Variants in RB1CC1 observed in about 807,000 individuals in gnomAD.
The protein encoded by RB1CC1 is RB1-inducible coiled-coil protein 1.
A neutral mutation model predicts 177.5 loss-of-function variants in RB1CC1; 46 were observed. The observed-to-expected ratio is 0.26, with a 90% CI of 0.20 to 0.33. The LOEUF (loss-of-function observed/expected upper bound fraction) is 0.33. Ranked by LOEUF, RB1CC1 falls within the 10% of genes least tolerant of loss-of-function variation. The pLI is 1.00. For synonymous variants in RB1CC1, 666 were observed against 613.6 expected, an observed-to-expected ratio of 1.09 and a Z score of -1.26; for missense variants, 1,703 against 1,816.3, an observed-to-expected ratio of 0.94 and a Z score of 1.13.
chr8:52,705,993 G>C (rs1243971823), intron 1 of RB1CC1, among the ~76,000 whole-genome samples: 1 of 152,040 alleles, frequency 6.6e-6, no homozygotes, highest in Admixed American at 6.6e-5. Flanking sequence ...TAATGCAGGA[G>C]GACATATGTA....
intron 1 of RB1CC1, among the ~76,000 whole-genome samples, chr8:52,710,666 T>C (rs538174248): frequency 1.7e-4 from 26 of 152,252 alleles, no homozygotes; most frequent in East Asian, 7.7e-4. Flanking sequence ...AATTTTCTAG[T>C]TGTGTTTTAT....
intron 5 of RB1CC1, among the ~76,000 whole-genome samples, 162 bp from the exon 6 acceptor site, chr8:52,676,733 A>G (rs562375511): frequency 1.9e-4 from 29 of 152,248 alleles, no homozygotes; most frequent in African/African-American, 6.8e-4. Flanking sequence ...CTTCTGTAAA[A>G]GACAGCCTAA....
At chr8:52,659,852 C>T (rs1449575871) in intron 12 of RB1CC1, among the ~76,000 whole-genome samples, 2 of 152,132 alleles carry the variant, frequency 1.3e-5, no homozygotes, top group Non-Finnish European at 2.9e-5. Context: ...AAAAACTTAG[C>T]TGGATGTGGT....
intron 15 of RB1CC1, among the ~76,000 whole-genome samples, chr8:52,647,460 T>TA: frequency 6.6e-6 from 1 of 152,142 alleles, no homozygotes. Flanking sequence ...TGTGCAAGTT[T>TA]AAACTACTCC....
intron 7 of RB1CC1, among the ~76,000 whole-genome samples, chr8:52,672,441 T>G (rs1340670507): frequency 6.6e-6 from 1 of 152,150 alleles, no homozygotes; most frequent in African/African-American, 2.4e-5. Flanking sequence ...TGGCACAGCT[T>G]AATTACAGAA....
At chr8:52,634,989 C>T (rs772190182) in intron 19 of RB1CC1, 21 bp from the exon 20 acceptor site, 2 of 1,597,478 alleles carry the variant, frequency 1.3e-6, no homozygotes, top group South Asian at 2.2e-5. Flanking sequence ...AAAAAAGAGA[C>T]CTGTGGTTTA....
intron 21 of RB1CC1, among the ~76,000 whole-genome samples, chr8:52,629,204 A>C (rs1848593537): frequency 6.6e-6 from 1 of 152,208 alleles, no homozygotes; most frequent in African/African-American, 2.4e-5. Context: ...TGACAACCAA[A>C]AATGTGGTCA....
chr8:52,633,631 A>T (rs1354903460), intron 20 of RB1CC1, among the ~76,000 whole-genome samples: 1 of 152,250 alleles, frequency 6.6e-6, no homozygotes, highest in Non-Finnish European at 1.5e-5. Context: ...ACTTTTCAAA[A>T]GCACTGAACA....
At chr8:52,664,953 A>T (rs922999924) in intron 8 of RB1CC1, among the ~76,000 whole-genome samples, 2 of 152,148 alleles carry the variant, frequency 1.3e-5, no homozygotes, top group Admixed American at 6.5e-5. Flanking sequence ...ACTAATAGCA[A>T]TATTTTAATA....
At position 52,641,978 on chromosome 8, in the gene RB1CC1, T is replaced by TA. The variant is rs1013139562; in HGVS notation, c.4337+372dup. ...AATAAACAAATAATAATAATAATAA[T>TA]AAAAAACCCTTCCCTGCTTTTCCTC... On this transcript the variant is annotated intron_variant, in intron 18 of 23. Coordinates refer to ENST00000025008, the MANE Select transcript of RB1CC1 (RefSeq NM_014781.5). Among the ~76,000 whole-genome samples the TA allele has an allele frequency of 2.7e-5, 4 of 148,382 alleles. No individual in the cohort carries two copies. The South Asian group carries it at 6.5e-4, about 24-fold the overall frequency.
At chr8:52,663,273 T>C (rs1563401969) in intron 8 of RB1CC1, among the ~76,000 whole-genome samples, 1 of 151,960 alleles carries the variant, frequency 6.6e-6, no homozygotes, top group Non-Finnish European at 1.5e-5. Context: ...ATTTTGCTGA[T>C]AACCCTCAAG....
intron 15 of RB1CC1, among the ~76,000 whole-genome samples, chr8:52,651,787 A>G (rs772458841): frequency 1.3e-5 from 2 of 152,234 alleles, no homozygotes; most frequent in Non-Finnish European, 2.9e-5. Flanking sequence ...AAATATGTTA[A>G]CATTTGGAAG....
At position 52,657,386 on chromosome 8, in the gene RB1CC1, T is replaced by C. The variant is rs774101110; in HGVS notation, c.2443A>G (p.Ile815Val). ...CTAAAGTGGCAAAGGTCTTCCTTAA[T>C]GGTTTGTATACTGAAGTGAGAGTCT... is the stretch of plus-strand genomic sequence containing the variant. ...AQDSHFSIQT[I>V]KEDLCHFRTF... is the part of the protein sequence containing the mutation. Residue 815 changes from isoleucine to valine, a missense_variant, in exon 15 of 24, where the codon ATT becomes GTT. Ile to Val is a conservative substitution (Grantham distance 29). This residue lies in a region of RB1CC1 where 1,169 missense variants were observed against 1,184.7 expected (regional missense o/e 0.99). Transcript: ENST00000025008. 3.1e-6 allele frequency: 5 copies of C among 1,614,036 alleles called. No homozygotes were observed. The highest frequency in any genetic ancestry group is 1.3e-5 in the African/African-American group (1 of 75,064).
rs749134236 is a variant in RB1CC1, at chr8:52,685,435, G to C, written c.35C>G (p.Thr12Ser). Residue 12 changes from threonine (T) to serine (S), a missense_variant, in exon 3 of 24, where the codon ACT (threonine) becomes AGT (serine). By Grantham distance (58) the Thr-to-Ser change is moderately conservative (BLOSUM62 1). Around this residue, in one of 6 missense-constraint regions of RB1CC1, gnomAD observed 118 missense variants for 121.2 expected, o/e 0.97. Coordinates refer to ENST00000025008, the MANE Select transcript of RB1CC1 (RefSeq NM_014781.5). The stretch of plus-strand genomic sequence containing the variant: ...AAGTTCAGTGTCAAATGTTAGAGTA[G>C]TTCCAGTGTTAACCAGAAATACATA... ...KLYVFLVNTG[T>S]TLTFDTELTV... 7.5e-6 allele frequency: 12 copies of C among 1,600,140 alleles called. No homozygotes were observed. The highest frequency in any genetic ancestry group is 2.2e-5 in the South Asian group (2 of 89,896).
intron 15 of RB1CC1, among the ~76,000 whole-genome samples, chr8:52,650,307 G>C (rs150819740): frequency 6.6e-6 from 1 of 152,316 alleles, no homozygotes; most frequent in East Asian, 1.9e-4. Flanking sequence ...ACCTGACCTG[G>C]GATGCTGAAG....
chr8:52,688,367 G>A (rs1248738466), intron 1 of RB1CC1, among the ~76,000 whole-genome samples: 1 of 152,170 alleles, frequency 6.6e-6, no homozygotes, highest in African/African-American at 2.4e-5. Context: ...GGAAAGGAAT[G>A]CATTCCTGTG....
chr8:52,641,863 A>G (rs888834541), intron 18 of RB1CC1, among the ~76,000 whole-genome samples: 1 of 152,140 alleles, frequency 6.6e-6, no homozygotes, highest in Non-Finnish European at 1.5e-5. Context: ...GTCTTTCACT[A>G]TATTCAAAGG....
At position 52,673,903 on chromosome 8, in the gene RB1CC1, T is replaced by A. The variant is rs753933392; in HGVS notation, c.944A>T (p.Gln315Leu). Reference protein sequence around the residue: ...NVSLLDWINVQDRPNDVESLV... With the variant: ...NVSLLDWINVLDRPNDVESLV... ...AGATTCCACATCATTAGGTCTATCT[T>A]GAACATTTATCCAGTCTAACAAAGA... is the stretch of plus-strand genomic sequence containing the variant. Residue 315 changes from glutamine to leucine, a missense_variant, in exon 7 of 24, where the codon CAA (glutamine) becomes CTA (leucine). Transcript: ENST00000025008. 3.7e-6 allele frequency: 6 copies of A among 1,614,166 alleles called. No individual in the cohort carries two copies. Among genetic ancestry groups the A allele is most frequent in the Non-Finnish European group, 5.1e-6 (6 of 1,180,016 alleles).
chr8:52,629,046 CCT>C (rs1848584683), intron 21 of RB1CC1, among the ~76,000 whole-genome samples: 1 of 152,164 alleles, frequency 6.6e-6, no homozygotes, highest in Non-Finnish European at 1.5e-5. Context: ...TTTTGGAGCT[CCT>C]CTCTCTCTAG....
Sources: allele counts gnomAD v4.1 joint callset (sites outside exome capture counted in the v4.1 genomes callset), GRCh38; gene constraint gnomAD v4.1.1; regional missense constraint gnomAD v4.1.1; transcripts MANE v1.5; gene names NCBI Gene and HGNC (gene_info 2026-07-23, HGNC 2026-07-21).